ZNF273: variants seen among roughly 807,000 people sequenced by gnomAD.
ZNF273 encodes the protein zinc finger protein 273.
A neutral mutation model predicts 14.9 loss-of-function variants in ZNF273; 11 were observed. The observed-to-expected ratio is 0.74, with a 90% CI of 0.46 to 1.22. The LOEUF (loss-of-function observed/expected upper bound fraction) is 1.22. Among genes scored for constraint, ZNF273 ranks in the 50% most tolerant of loss-of-function variants. The probability of loss-of-function intolerance (pLI) is 0.00; values close to 1 mark genes in which losing one functional copy is unlikely to be tolerated. For missense variants in ZNF273, 577 were observed against 660.6 expected (o/e 0.87, Z 1.39); for synonymous variants, 199 against 223.9 (o/e 0.89, Z 0.99).
intron 1 of ZNF273, chr7:64,917,186 C>A: frequency 1.0e-6 from 1 of 999,332 alleles, no homozygotes; most frequent in Non-Finnish European, 1.3e-6. Context: ...ATCTGCATAA[C>A]AAGATCTCCA....
chr7:64,884,169 GC>G (rs1791443341), downstream of ZNF273, among the ~76,000 whole-genome samples: 1 of 152,126 alleles, frequency 6.6e-6, no homozygotes, highest in African/African-American at 2.4e-5. Context: ...CAGATCTTTT[GC>G]TTGCCAGGGA....
At chr7:64,935,471 A>C (rs909258688), downstream of ZNF273, among the ~76,000 whole-genome samples, 1 of 152,042 alleles carries the variant, frequency 6.6e-6, no homozygotes, top group Non-Finnish European at 1.5e-5. Flanking sequence ...GAGATTTATC[A>C]TGTATTTATC....
rs1455989110 is a variant in ZNF273, at chr7:64,909,742, AATC to A, written c.102+6328_102+6330del. Among the ~76,000 whole-genome samples the A allele has an allele frequency of 7.2e-5, 11 of 152,288 alleles. No homozygotes were observed. In the South Asian group the frequency reaches 1.7e-3, roughly 23 times the overall value. On this transcript the variant is annotated intron_variant, in intron 1 of 3. Coordinates refer to ENST00000476120, the MANE Select transcript of ZNF273 (RefSeq NM_021148.3). ...TAATTTTGATTTTAGTTCTTTGAGA[AATC>A]ATCACACTGCTTTCACAGTGGTTGA... is the stretch of plus-strand genomic sequence containing the variant.
At chr7:64,917,142 A>G (rs1206304673) in intron 1 of ZNF273, 1 of 1,250,510 alleles carries the variant, frequency 8.0e-7, no homozygotes, top group Non-Finnish European at 1.0e-6. Flanking sequence ...AAATTTGGAA[A>G]CTCAGACTTT....
chr7:64,907,726 T>A (rs574859052), intron 1 of ZNF273, among the ~76,000 whole-genome samples: 6 of 152,258 alleles, frequency 3.9e-5, no homozygotes, highest in Admixed American at 3.9e-4. Flanking sequence ...AGGAAAGATA[T>A]CACAGAAGCC....
chr7:64,932,878 T>A (rs548411872), downstream of ZNF273, among the ~76,000 whole-genome samples: 3 of 152,312 alleles, frequency 2.0e-5, no homozygotes, highest in East Asian at 5.8e-4. Context: ...AATCTATTTT[T>A]AAGTGTGACT....
chr7:64,894,946 A>C (rs556777421), intron 3 of ZNF273, among the ~76,000 whole-genome samples: 3 of 150,270 alleles, frequency 2.0e-5, no homozygotes, highest in African/African-American at 7.4e-5. Flanking sequence ...TGGCCAACAT[A>C]GTGAAACCCC....
chr7:64,884,819 C>T (rs777315219), intron 1 of ZNF273, among the ~76,000 whole-genome samples: 6 of 152,218 alleles, frequency 3.9e-5, no homozygotes, highest in Non-Finnish European at 7.3e-5. Flanking sequence ...TTTCCTCCAG[C>T]GGGACCCGAC....
At chr7:64,926,004 A>G (rs1794752019) in intron 3 of ZNF273, among the ~76,000 whole-genome samples, 1 of 151,242 alleles carries the variant, frequency 6.6e-6, no homozygotes, top group Non-Finnish European at 1.5e-5. Context: ...TGTTATTTTC[A>G]GTGGAAATAA....
downstream of ZNF273, among the ~76,000 whole-genome samples, chr7:64,892,947 G>T (rs757094095): frequency 2.0e-5 from 3 of 152,108 alleles, no homozygotes; most frequent in Non-Finnish European, 2.9e-5. Context: ...TACTCTACAT[G>T]TAGTAACAAC....
intron 1 of ZNF273, chr7:64,888,424 G>A: frequency 3.0e-6 from 3 of 985,792 alleles, no homozygotes; most frequent in Non-Finnish European, 3.6e-6. Context: ...CACGGGGCTG[G>A]ACAGGGAAGG....
chr7:64,884,839 G>A (rs1031802381), intron 1 of ZNF273, among the ~76,000 whole-genome samples: 2 of 152,202 alleles, frequency 1.3e-5, no homozygotes, highest in African/African-American at 2.4e-5. Context: ...CTAATGAGAC[G>A]GCCCGAGGAT....
At chr7:64,883,456 C>A (rs916653200), downstream of ZNF273, among the ~76,000 whole-genome samples, 2 of 152,150 alleles carry the variant, frequency 1.3e-5, no homozygotes, top group South Asian at 2.1e-4. Context: ...ATAGTGTGAG[C>A]AGCAAGTAGG....
At chr7:64,912,837 T>TG (rs1793655941) in intron 1 of ZNF273, among the ~76,000 whole-genome samples, 1 of 108,414 alleles carries the variant, frequency 9.2e-6, no homozygotes, top group Admixed American at 1.0e-4. Flanking sequence ...TTTTTTTTTT[T>TG]TTTTTTTTTG....
chr7:64,902,829 A>T (rs148111502), upstream of ZNF273, among the ~76,000 whole-genome samples: 344 of 152,288 alleles, frequency 2.3e-3, no homozygotes, highest in African/African-American at 8.0e-3. Flanking sequence ...TTAGCCTGGG[A>T]AAAGGAGGCA....
upstream of ZNF273, among the ~76,000 whole-genome samples, chr7:64,900,136 G>A (rs925047987): frequency 7.3e-6 from 1 of 136,808 alleles, no homozygotes; most frequent in Non-Finnish European, 1.6e-5. Context: ...TTTTTTGTTT[G>A]TTTGTTTTGA....
At chr7:64,882,992 T>C (rs912003226), downstream of ZNF273, among the ~76,000 whole-genome samples, 7 of 152,168 alleles carry the variant, frequency 4.6e-5, no homozygotes, top group African/African-American at 1.4e-4. Flanking sequence ...CGTGTGTGTG[T>C]TTCTGTGTGT....
chr7:64,899,319 T>G (rs1444332465), upstream of ZNF273, among the ~76,000 whole-genome samples: 1 of 152,266 alleles, frequency 6.6e-6, no homozygotes, highest in African/African-American at 2.4e-5. Flanking sequence ...ACTTTTATCA[T>G]GTTAATCTAA....
At chr7:64,889,299 G>A, downstream of ZNF273, 1 of 945,312 alleles carries the variant, frequency 1.1e-6, no homozygotes, top group Non-Finnish European at 1.2e-6. This position sits in a 1 kb window ranked among gnomAD's most constrained non-coding sequence, Gnocchi z 4.2. Context: ...CCAGGCTCTC[G>A]CCCGCCGGTG....
Sources: gnomAD v4.1 joint callset for allele counts (sites outside exome capture counted in the v4.1 genomes callset) on GRCh38, gnomAD v4.1.1 for gene constraint, Gnocchi (gnomAD v3.1) non-coding constraint, MANE v1.5 for transcripts, NCBI Gene and HGNC (gene_info 2026-07-23, HGNC 2026-07-21) for gene names.